NFYA: variants seen among roughly 807,000 people sequenced by gnomAD.
NFYA encodes CAAT-box DNA binding protein subunit A.
In NFYA, 28 loss-of-function variants were observed where a neutral mutation model predicts 52.8. The observed-to-expected ratio is 0.53, with a 90% CI of 0.39 to 0.73. The LOEUF is 0.73. Ranked by LOEUF, NFYA falls within the 30% of genes least tolerant of loss-of-function variation. The pLI, the probability that NFYA is intolerant of heterozygous loss-of-function variation, is 0.00. For synonymous variants in NFYA, 150 were observed against 150.7 expected (o/e 1.00, Z 0.03); for missense variants, 234 against 427.0 (o/e 0.55, Z 3.98).
rs1356667181 is a variant in NFYA at position 41,079,171 on chromosome 6, A to T, written c.75+7A>T. 1.2e-6 allele frequency: 2 copies of T among 1,613,832 alleles called. No individual in the cohort carries two copies. The highest frequency in any genetic ancestry group is 1.3e-5 in the African/African-American group (1 of 74,922). ...AGGACAGATTCAGCAGCAGGTATGG[A>T]AGCAAAACTGCTTTAAACATTACAG... On this transcript the variant is annotated splice_region_variant and intron_variant, in intron 2 of 9. Transcript: ENST00000341376.
intron 9 of NFYA, among the ~76,000 whole-genome samples, 175 bp from the exon 10 acceptor site, chr6:41,097,182 T>C (rs1056638788): frequency 6.6e-6 from 1 of 152,230 alleles, no homozygotes; most frequent in Non-Finnish European, 1.5e-5. Context: ...TTATTGTCTC[T>C]TCTTTCCTAA....
Position 41,097,339 on chromosome 6 carries a change from T to C in NFYA, c.991-18T>C, listed in dbSNP as rs369387499. On this transcript the variant is annotated intron_variant, in intron 9 of 9. Coordinates refer to ENST00000341376, the MANE Select transcript of NFYA (RefSeq NM_002505.5). ...CTTTTGCAAAGGACTTTAATCATCATGTCATCTTTGTCTCTAGGATCCAAA... is the reference window on the plus strand; with the variant it reads ...CTTTTGCAAAGGACTTTAATCATCACGTCATCTTTGTCTCTAGGATCCAAA... The C allele has an allele frequency of 5.0e-6, 8 of 1,613,650 alleles. No homozygotes were observed. The African/African-American group carries it at 1.1e-4, about 22-fold the overall frequency.
At position 41,101,804 on chromosome 6, in the gene NFYA, C is replaced by G. The variant is rs965619854; in HGVS notation, c.*4394C>G. Reference sequence around the variant, plus strand: ...GGGCACCATCTCCAGCTCTTGGAAGCAGAGAGGGTGGTCCTTTGGATTCCC... The same window carrying G: ...GGGCACCATCTCCAGCTCTTGGAAGGAGAGAGGGTGGTCCTTTGGATTCCC... On this transcript the variant is annotated 3_prime_UTR_variant, in exon 10 of 10. Transcript: ENST00000341376. 1.3e-5 allele frequency among the ~76,000 whole-genome samples: 2 copies of G among 151,996 alleles called. No homozygotes were observed. Among genetic ancestry groups the G allele is most frequent in the Non-Finnish European group, 2.9e-5 (2 of 67,984 alleles).
At position 41,080,872 on chromosome 6, in the gene NFYA, G is replaced by A; in HGVS notation, c.137G>A (p.Gly46Asp). Residue 46 changes from glycine (G) to aspartate (D), a missense_variant, in exon 3 of 10, where the codon GGC becomes GAC. Gly to Asp is a moderately conservative substitution (Grantham distance 94, BLOSUM62 -1). Around this residue, in one of 3 missense-constraint regions of NFYA, gnomAD observed 118 missense variants for 182.4 expected, o/e 0.65. Coordinates refer to ENST00000341376, the MANE Select transcript of NFYA (RefSeq NM_002505.5). ...QTEAQVASASGQQVQTLQVVQ... is the reference protein window; with the variant it reads ...QTEAQVASASDQQVQTLQVVQ... ...GAGGCCCAGGTGGCATCCGCCTCAG[G>A]CCAGCAAGTCCAGACCCTCCAGGTA... 1.9e-6 allele frequency: 3 copies of A among 1,613,946 alleles called. No homozygotes were observed. Among genetic ancestry groups the A allele is most frequent in the Non-Finnish European group, 1.7e-6 (2 of 1,179,860 alleles).
At chr6:41,092,738 T>C (rs566340422) in intron 7 of NFYA, among the ~76,000 whole-genome samples, 174 bp from the exon 8 acceptor site, 4 of 152,298 alleles carry the variant, frequency 2.6e-5, no homozygotes, top group Admixed American at 2.6e-4. Flanking sequence ...GGGGTGTTTG[T>C]TTAAAGTGCA....
chr6:41,080,692 T>G, intron 2 of NFYA, 119 bp from the exon 3 acceptor site: 1 of 754,262 alleles, frequency 1.3e-6, no homozygotes, highest in Non-Finnish European at 2.3e-6. Flanking sequence ...AGGGAGTCTG[T>G]ACATTTTGAA....
intron 9 of NFYA, among the ~76,000 whole-genome samples, chr6:41,096,813 G>T (rs1045646233): frequency 2.0e-5 from 3 of 152,210 alleles, no homozygotes; most frequent in Non-Finnish European, 4.4e-5. Context: ...AGGAGATTTG[G>T]GAGTTAGCCC....
At chr6:41,087,511 A>C (rs923592544) in intron 4 of NFYA, among the ~76,000 whole-genome samples, 3 of 152,206 alleles carry the variant, frequency 2.0e-5, no homozygotes, top group Admixed American at 2.0e-4. Flanking sequence ...TTCTGAAAGT[A>C]TCCTCCTTCC....
At chr6:41,089,528 G>A in intron 4 of NFYA, 51 bp from the exon 5 acceptor site, 1 of 1,497,288 alleles carries the variant, frequency 6.7e-7, no homozygotes, top group Non-Finnish European at 8.9e-7. Flanking sequence ...GGGGACCAAA[G>A]GAGACCAGTG....
At chr6:41,077,705 C>T (rs907189055) in intron 1 of NFYA, among the ~76,000 whole-genome samples, 2 of 152,010 alleles carry the variant, frequency 1.3e-5, no homozygotes, top group African/African-American at 4.8e-5. Context: ...ATCAGAAAAC[C>T]GGTTTGTCAT....
At chr6:41,092,582 T>C (rs1293203547) in intron 7 of NFYA, among the ~76,000 whole-genome samples, 2 of 152,152 alleles carry the variant, frequency 1.3e-5, no homozygotes, top group African/African-American at 4.8e-5. Context: ...GTCTATCTAT[T>C]TTTGTGCTGT....
intron 3 of NFYA, 50 bp downstream of exon 3, chr6:41,080,947 C>T (rs1561851259): frequency 4.2e-6 from 6 of 1,435,576 alleles, no homozygotes; most frequent in Non-Finnish European, 5.9e-6. Context: ...TTCTCCTCTC[C>T]TCATGTCTGG....
chr6:41,101,256 G>T lies in NFYA; in HGVS notation c.*3846G>T, dbSNP rs62396302. 0.074 allele frequency: 11,256 copies of T among 152,332 alleles called. 547 individuals carry two copies. The highest frequency in any genetic ancestry group is 0.13 in the Middle Eastern group (38 of 294). 9.4% of individuals were successfully genotyped at this position (152,332 alleles called of 1,614,324 possible). A position where few individuals can be genotyped will look rare whatever the true frequency, so the allele number is the denominator to read the frequency against. ...CGGCCGTTGGGTCTAAGCCCCTGGA[G>T]GCCTCGACGGTTACAGGCCTAGCCT... On this transcript the variant is annotated 3_prime_UTR_variant, in exon 10 of 10. Transcript: ENST00000341376.
intron 6 of NFYA, among the ~76,000 whole-genome samples, chr6:41,090,557 G>A (rs1257711693): frequency 6.6e-6 from 1 of 152,188 alleles, no homozygotes; most frequent in East Asian, 1.9e-4. Context: ...TTTTAGGGAA[G>A]AAGTGTTTCT....
Position 41,097,532 on chromosome 6 carries a change from T to A in NFYA, c.*122T>A, listed in dbSNP as rs1309622501. The A allele has an allele frequency of 4.9e-6, 5 of 1,016,182 alleles. No homozygotes were observed. In the Admixed American group the frequency reaches 1.2e-4, roughly 25 times the overall value. The allele number at this position is 1,016,182 out of a possible 1,614,324, so 62.9% of individuals were successfully genotyped here. On this transcript the variant is annotated 3_prime_UTR_variant, in exon 10 of 10. Transcript: ENST00000341376. ...CCCTTTACTACAGGACAGAAACCACTTAGTTTTTAATAAGTGGCTCAGTAT... is the reference window on the plus strand; with the variant it reads ...CCCTTTACTACAGGACAGAAACCACATAGTTTTTAATAAGTGGCTCAGTAT...
In NFYA at chr6:41,097,504, C is replaced by A; in HGVS notation, c.*94C>A. 1 of 1,311,154 alleles carries A rather than the reference C, an allele frequency of 7.6e-7. No homozygotes were observed. Among genetic ancestry groups the A allele is most frequent in the Non-Finnish European group, 1.1e-6 (1 of 914,282 alleles). 81.2% of individuals were successfully genotyped at this position (1,311,154 alleles called of 1,614,324 possible). On this transcript the variant is annotated 3_prime_UTR_variant, in exon 10 of 10. Transcript: ENST00000341376. ...CCAATGGGACATTGATGATCACATT[C>A]TGCCCTTTACTACAGGACAGAAACC...
At chr6:41,091,982 A>T (rs1303734341) in intron 7 of NFYA, among the ~76,000 whole-genome samples, 3 of 152,240 alleles carry the variant, frequency 2.0e-5, no homozygotes, top group African/African-American at 7.2e-5. Context: ...AGGGAATTAT[A>T]TACTAATCTT....
At chr6:41,079,398 A>T (rs1763845825) in intron 2 of NFYA, among the ~76,000 whole-genome samples, 1 of 152,206 alleles carries the variant, frequency 6.6e-6, no homozygotes, top group African/African-American at 2.4e-5. Context: ...AAGTAAAAAC[A>T]TCTAGTCTGG....
Position 41,083,983 on chromosome 6 carries a change from CT to C in NFYA, c.163-59del. The C allele has an allele frequency of 5.4e-6, 8 of 1,473,930 alleles. No individual in the cohort carries two copies. In the South Asian group the frequency reaches 1.1e-4, roughly 20 times the overall value. The allele number at this position is 1,473,930 out of a possible 1,614,324, so 91.3% of individuals were successfully genotyped here. ...GCAGCAGAATAGTTCCAGTGATTGTCTTTTGGTAAAAACCATTTTGTGTCTT... is the reference window on the plus strand; with the variant it reads ...GCAGCAGAATAGTTCCAGTGATTGTCTTTGGTAAAAACCATTTTGTGTCTT... On this transcript the variant is annotated intron_variant, in intron 3 of 9. Coordinates refer to ENST00000341376, the MANE Select transcript of NFYA (RefSeq NM_002505.5).
Sources: allele counts gnomAD v4.1 joint callset (sites outside exome capture counted in the v4.1 genomes callset), GRCh38; gene constraint gnomAD v4.1.1; regional missense constraint gnomAD v4.1.1; transcripts MANE v1.5; gene names NCBI Gene and HGNC (gene_info 2026-07-23, HGNC 2026-07-21).